Variants in WDR70 observed in about 807,000 individuals in gnomAD.
WDR70 encodes the protein WD repeat-containing protein 70.
A neutral mutation model predicts 88.6 loss-of-function variants in WDR70; 53 were observed. The observed-to-expected ratio is 0.60, with a 90% confidence interval of 0.48 to 0.75. The LOEUF is 0.75. Ranked by LOEUF, WDR70 falls within the 30% of genes least tolerant of loss-of-function variation. The pLI is 0.00. For synonymous variants in WDR70, 280 were observed against 270.0 expected, an observed-to-expected ratio of 1.04 and a Z score of -0.36; for missense variants, 610 against 823.2, an observed-to-expected ratio of 0.74 and a Z score of 3.17.
intron 10 of WDR70, among the ~76,000 whole-genome samples, chr5:37,669,392 CTTTT>C (rs74326452): frequency 0.031 from 3,250 of 105,160 alleles, 63 homozygotes; most frequent in Admixed American, 0.072. Flanking sequence ...ACATAATTAT[CTTTT>C]TTTTAAAAAA....
At chr5:37,417,545 T>G (rs1317018034) in intron 5 of WDR70, among the ~76,000 whole-genome samples, 1 of 151,726 alleles carries the variant, frequency 6.6e-6, no homozygotes, top group African/African-American at 2.4e-5. Context: ...CCGACGTTTT[T>G]TTTTTTTTTA....
Position 37,655,333 on chromosome 5 carries a change from C to T in WDR70, c.1093-42322C>T, listed in dbSNP as rs921440280. ...CGCTGTTAGTCTGATGGGCTTCCTT[C>T]TGTGGGTAACCCAACCTTTCTTCTC... On this transcript the variant is annotated intron_variant, in intron 10 of 17. Coordinates refer to ENST00000265107, the MANE Select transcript of WDR70 (RefSeq NM_018034.4). Among the ~76,000 whole-genome samples the T allele has an allele frequency of 3.9e-5, 6 of 152,290 alleles. No individual in the cohort carries two copies. The South Asian group carries it at 1.0e-3, about 26-fold the overall frequency.
intron 10 of WDR70, among the ~76,000 whole-genome samples, chr5:37,678,060 C>T (rs926751214): frequency 1.3e-5 from 2 of 151,898 alleles, no homozygotes; most frequent in African/African-American, 2.4e-5. Context: ...CAACCCCTGC[C>T]TTTTTTTGTT....
intron 13 of WDR70, among the ~76,000 whole-genome samples, chr5:37,708,024 A>G (rs2112671854): frequency 7.4e-6 from 1 of 135,858 alleles, no homozygotes; most frequent in South Asian, 2.6e-4. Context: ...TTAACATAAG[A>G]AATATGATAG....
At chr5:37,469,372 G>C (rs1357532533) in intron 7 of WDR70, among the ~76,000 whole-genome samples, 2 of 152,180 alleles carry the variant, frequency 1.3e-5, no homozygotes, top group East Asian at 3.9e-4. Context: ...CTCCTACACT[G>C]TGTTTTGGAC....
chr5:37,722,521 T>C (rs529232409), intron 14 of WDR70: 10 of 246,708 alleles, frequency 4.1e-5, no homozygotes, highest in Non-Finnish European at 7.1e-5. Flanking sequence ...TTTAACCCTG[T>C]GACCTTTAGA....
chr5:37,657,765 G>A (rs1267687182), intron 10 of WDR70, among the ~76,000 whole-genome samples: 1 of 152,136 alleles, frequency 6.6e-6, no homozygotes, highest in Non-Finnish European at 1.5e-5. Flanking sequence ...TTGATAATCT[G>A]ACTCCAGTAA....
chr5:37,663,048 T>C (rs1745743670), intron 10 of WDR70, among the ~76,000 whole-genome samples: 1 of 152,244 alleles, frequency 6.6e-6, no homozygotes, highest in Non-Finnish European at 1.5e-5. Flanking sequence ...TTGCTTCAAA[T>C]TGATTTTCTC....
At chr5:37,684,329 T>C (rs1382753857) in intron 10 of WDR70, among the ~76,000 whole-genome samples, 2 of 152,230 alleles carry the variant, frequency 1.3e-5, no homozygotes, top group Non-Finnish European at 2.9e-5. Flanking sequence ...TCAGAATCCT[T>C]GCTGGAAAGA....
intron 10 of WDR70, among the ~76,000 whole-genome samples, chr5:37,608,280 T>C (rs1332222447): frequency 1.3e-5 from 2 of 152,202 alleles, no homozygotes; most frequent in African/African-American, 2.4e-5. Context: ...GACCTCGTGA[T>C]CCGCCCGCCT....
chr5:37,384,100 C>T (rs1748522664), intron 3 of WDR70, among the ~76,000 whole-genome samples: 1 of 151,480 alleles, frequency 6.6e-6, no homozygotes, highest in South Asian at 2.1e-4. Context: ...AAAGCTTAAC[C>T]AAGATACCTG....
intron 11 of WDR70, 71 bp downstream of exon 11, chr5:37,697,825 A>T: frequency 7.5e-7 from 1 of 1,331,602 alleles, no homozygotes; most frequent in Non-Finnish European, 1.1e-6. Context: ...TATGACAATA[A>T]TATCCTAGTG....
rs372010454 is a variant in WDR70, at chr5:37,646,030, GTCTTC to G, written c.1092+40798_1092+40802del. Among the ~76,000 whole-genome samples the G allele has an allele frequency of 2.9e-4, 44 of 151,840 alleles. 2 individuals carry two copies. The South Asian group carries it at 8.9e-3, about 31-fold the overall frequency. ...TTTAATTAAAAAAATTTTTTTTGTG[GTCTTC>G]TCTTCCTTCTTTCCTTCTTTCTTTC... is the stretch of plus-strand genomic sequence containing the variant. On this transcript the variant is annotated intron_variant, in intron 10 of 17. Coordinates refer to ENST00000265107, the MANE Select transcript of WDR70 (RefSeq NM_018034.4).
chr5:37,395,096 T>C (rs1175216726), intron 4 of WDR70, among the ~76,000 whole-genome samples: 1 of 152,160 alleles, frequency 6.6e-6, no homozygotes, highest in African/African-American at 2.4e-5. Context: ...AGATACTTCA[T>C]TAGAAGGCAG....
At chr5:37,650,956 TG>T (rs961848013) in intron 10 of WDR70, among the ~76,000 whole-genome samples, 5 of 130,180 alleles carry the variant, frequency 3.8e-5, no homozygotes, top group Non-Finnish European at 6.6e-5. Flanking sequence ...ATCTACAGAA[TG>T]GGCTTCATTT....
chr5:37,706,692 A>G (rs1747333199), intron 13 of WDR70, among the ~76,000 whole-genome samples: 1 of 150,594 alleles, frequency 6.6e-6, no homozygotes, highest in African/African-American at 2.4e-5. Context: ...GTATATGTTT[A>G]TTAGCAGTGT....
At chr5:37,575,225 T>A (rs562882195) in intron 9 of WDR70, among the ~76,000 whole-genome samples, 41 of 152,290 alleles carry the variant, frequency 2.7e-4, no homozygotes, top group African/African-American at 9.4e-4. Context: ...TGTGACATCA[T>A]AAAAAAATAC....
chr5:37,447,134 A>AAC (rs1335486110), intron 7 of WDR70, among the ~76,000 whole-genome samples: 1 of 152,236 alleles, frequency 6.6e-6, no homozygotes, highest in Non-Finnish European at 1.5e-5. Context: ...GAAGGATATG[A>AAC]ACAGACACTT....
At chr5:37,674,360 T>A (rs1390747761) in intron 10 of WDR70, among the ~76,000 whole-genome samples, 2 of 152,082 alleles carry the variant, frequency 1.3e-5, no homozygotes, top group Non-Finnish European at 2.9e-5. Context: ...ATTAGGTATA[T>A]CTCCTAATGC....
Sources: allele counts gnomAD v4.1 joint callset (sites outside exome capture counted in the v4.1 genomes callset), GRCh38; gene constraint gnomAD v4.1.1; transcripts MANE v1.5; gene names NCBI Gene and HGNC (gene_info 2026-07-23, HGNC 2026-07-21).